Variants in APOL5 observed in about 807,000 individuals in gnomAD.
The protein encoded by APOL5 is apolipoprotein L, 5.
APOL5 carries 29 observed loss-of-function variants against 35.5 expected under a neutral mutation model. The observed-to-expected ratio is 0.82, with a 90% CI of 0.61 to 1.11. APOL5 has a LOEUF of 1.11. Ranked by LOEUF, APOL5 falls within the 50% of genes most tolerant of loss-of-function variation. APOL5 has a pLI of 0.00. For synonymous variants in APOL5, 188 were observed against 200.2 expected (o/e 0.94, Z 0.51); for missense variants, 514 against 530.4 (o/e 0.97, Z 0.30).
chr22:35,719,549 TG>T (rs1926884414), intron 1 of APOL5, among the ~76,000 whole-genome samples: 1 of 152,216 alleles, frequency 6.6e-6, no homozygotes, highest in African/African-American at 2.4e-5. Context: ...ATTGTGTTGT[TG>T]GATGATTCTC....
intron 1 of APOL5, among the ~76,000 whole-genome samples, chr22:35,719,497 A>C (rs1373446822): frequency 6.6e-6 from 1 of 152,358 alleles, no homozygotes; most frequent in Non-Finnish European, 1.5e-5. Context: ...CAAGTTAAAA[A>C]TGTTATCAAT....
At chr22:35,709,720 G>A in the APOL5 span, among the ~76,000 whole-genome samples, 1 of 151,938 alleles carries the variant, frequency 6.6e-6, no homozygotes. Flanking sequence ...TATTCCATAT[G>A]TTTTTGCTAA....
the APOL5 span, among the ~76,000 whole-genome samples, chr22:35,708,606 T>G: frequency 6.6e-6 from 1 of 152,076 alleles, no homozygotes; most frequent in African/African-American, 2.4e-5. Context: ...AAACATCGCT[T>G]GGATTAAAAA....
chr22:35,727,224 G>T (rs762872359), intron 3 of APOL5, 30 bp downstream of exon 3: 2 of 1,571,514 alleles, frequency 1.3e-6, no homozygotes, highest in African/African-American at 1.3e-5. Flanking sequence ...CACGGACGTG[G>T]TCTTGCTCTT....
chr22:35,719,803 T>C (rs2145997789), intron 1 of APOL5, among the ~76,000 whole-genome samples: 1 of 152,342 alleles, frequency 6.6e-6, no homozygotes, highest in South Asian at 2.1e-4. Flanking sequence ...GTCTAATTTC[T>C]GTACTCCAGG....
chr22:35,726,136 C>T (rs1927142836), intron 2 of APOL5, 75 bp from the exon 3 acceptor site: 16 of 1,522,910 alleles, frequency 1.1e-5, no homozygotes, highest in East Asian at 2.3e-5. Context: ...AAGGTGGTTT[C>T]GACATTGTAC....
At chr22:35,717,850 T>A, upstream of APOL5, 1 of 1,551,490 alleles carries the variant, frequency 6.4e-7, no homozygotes. Flanking sequence ...ATTATAAGCT[T>A]AAATTTTAAA....
At chr22:35,713,615 T>G (rs1286194842), upstream of APOL5, among the ~76,000 whole-genome samples, 1 of 152,190 alleles carries the variant, frequency 6.6e-6, no homozygotes, top group Non-Finnish European at 1.5e-5. Context: ...TGGGGTCGGT[T>G]TTCTTCTTTA....
At chr22:35,708,512 G>A in the APOL5 span, among the ~76,000 whole-genome samples, 1 of 152,124 alleles carries the variant, frequency 6.6e-6, no homozygotes, top group African/African-American at 2.4e-5. Flanking sequence ...AATTTGATAA[G>A]GTCTCCAGGG....
intron 1 of APOL5, among the ~76,000 whole-genome samples, chr22:35,720,151 C>G (rs1031493778): frequency 6.6e-6 from 1 of 152,204 alleles, no homozygotes; most frequent in Non-Finnish European, 1.5e-5. Flanking sequence ...CATTTGGGAG[C>G]GAAAGCAGAA....
At chr22:35,709,528 C>G in the APOL5 span, among the ~76,000 whole-genome samples, 6 of 152,338 alleles carry the variant, frequency 3.9e-5, no homozygotes, top group South Asian at 1.2e-3. Flanking sequence ...AATCTAGTAA[C>G]TTCATTACAT....
At chr22:35,719,139 C>T (rs78215448) in intron 1 of APOL5, among the ~76,000 whole-genome samples, 8 of 151,994 alleles carry the variant, frequency 5.3e-5, no homozygotes, top group Non-Finnish European at 7.4e-5. Flanking sequence ...AAAAATAATA[C>T]GGATTTGAAA....
At position 35,728,729 on chromosome 22, in the gene APOL5, G is replaced by T; in HGVS notation, c.1133G>T (p.Arg378Leu). ...AGGGACTCATGTTCCACAGGGTCTC[G>T]CTCACCTCTCCCCTGGCCTGTTGTG... ...GSRVVKPEGS[R>L]SPLPWPVVEH... The change falls in exon 4 of 5, where the codon CGC (arginine) becomes CTC (leucine). Residue 378 changes from arginine to leucine, a missense_variant. By Grantham distance (102) the Arg-to-Leu change is moderately radical. This residue lies in a region of APOL5 where 238 missense variants were observed against 229.1 expected (regional missense o/e 1.04). Transcript: ENST00000249044. 6.2e-7 allele frequency: 1 copy of T among 1,611,960 alleles called. No homozygotes were observed.
At chr22:35,713,919 A>C (rs1200477564), upstream of APOL5, among the ~76,000 whole-genome samples, 2 of 151,594 alleles carry the variant, frequency 1.3e-5, no homozygotes, top group Non-Finnish European at 2.9e-5. Context: ...TTCTGCTCAC[A>C]CTCCTCCTAC....
chr22:35,723,621 C>T (rs1015856630), intron 2 of APOL5, among the ~76,000 whole-genome samples: 2 of 152,140 alleles, frequency 1.3e-5, no homozygotes, highest in African/African-American at 2.4e-5. Flanking sequence ...TAACAAGCGG[C>T]CAGAGTAGAT....
upstream of APOL5, among the ~76,000 whole-genome samples, chr22:35,714,927 G>A (rs1160398097): frequency 6.6e-6 from 1 of 152,212 alleles, no homozygotes; most frequent in Non-Finnish European, 1.5e-5. Context: ...AGTCAAAGCA[G>A]GGGGAGAAGG....
At chr22:35,711,252 G>C in the APOL5 span, among the ~76,000 whole-genome samples, 1 of 152,168 alleles carries the variant, frequency 6.6e-6, no homozygotes, top group Non-Finnish European at 1.5e-5. Flanking sequence ...TTCATGATGT[G>C]TATATATCAC....
chr22:35,711,127 G>A, the APOL5 span, among the ~76,000 whole-genome samples: 6 of 152,160 alleles, frequency 3.9e-5, no homozygotes, highest in African/African-American at 1.2e-4. Flanking sequence ...CCAAGATCAC[G>A]CCATTGGCAC....
intron 2 of APOL5, among the ~76,000 whole-genome samples, chr22:35,721,223 A>G (rs1926960547): frequency 6.6e-6 from 1 of 152,114 alleles, no homozygotes; most frequent in Non-Finnish European, 1.5e-5. Context: ...ATCCGCATAA[A>G]AAATATCTTA....
Sources: allele counts gnomAD v4.1 joint callset (sites outside exome capture counted in the v4.1 genomes callset), GRCh38; gene constraint gnomAD v4.1.1; regional missense constraint gnomAD v4.1.1; transcripts MANE v1.5; gene names NCBI Gene and HGNC (gene_info 2026-07-23, HGNC 2026-07-21).